PAPPA2: variants seen among roughly 807,000 people sequenced by gnomAD.
PAPPA2 encodes pappalysin 2.
Under a neutral mutation model 176.4 loss-of-function variants are expected in PAPPA2, and 86 were observed. The observed-to-expected ratio is 0.49, with a 90% CI of 0.41 to 0.58. The LOEUF is 0.58. Among genes scored for constraint, PAPPA2 ranks in the 20% least tolerant of loss-of-function variants. The pLI, the probability that PAPPA2 is intolerant of heterozygous loss-of-function variation, is 0.00. For missense variants in PAPPA2, 2,073 were observed against 2,256.9 expected (o/e 0.92, Z 1.65); for synonymous variants, 809 against 852.2 (o/e 0.95, Z 0.88).
intron 17 of PAPPA2, among the ~76,000 whole-genome samples, chr1:176,776,096 C>G (rs533570177): frequency 2.0e-5 from 3 of 152,126 alleles, no homozygotes; most frequent in African/African-American, 7.2e-5. Flanking sequence ...ATTAATCACT[C>G]CTCTGCTGTT....
intron 4 of PAPPA2, 58 bp from the exon 5 acceptor site, chr1:176,690,079 A>T (rs1660035899): frequency 7.1e-7 from 1 of 1,402,022 alleles, no homozygotes; most frequent in South Asian, 1.4e-5. Flanking sequence ...AACATAATTA[A>T]GGATTGGAGA....
intron 1 of PAPPA2, among the ~76,000 whole-genome samples, chr1:176,478,688 CAG>C (rs1304449913): frequency 6.6e-6 from 1 of 152,190 alleles, no homozygotes. Flanking sequence ...TTAGGCAAAA[CAG>C]AGAATGGCCA....
At chr1:176,817,370 AAG>A (rs1351785375) in intron 21 of PAPPA2, among the ~76,000 whole-genome samples, 1 of 152,112 alleles carries the variant, frequency 6.6e-6, no homozygotes, top group African/African-American at 2.4e-5. Context: ...CCAGATTAGG[AAG>A]AGTGTTGAAT....
intron 14 of PAPPA2, among the ~76,000 whole-genome samples, chr1:176,741,992 C>T (rs1662700295): frequency 6.6e-6 from 1 of 152,162 alleles, no homozygotes; most frequent in African/African-American, 2.4e-5. Flanking sequence ...GCCTTCTAAT[C>T]TTTCTTCACT....
chr1:176,714,458 G>A (rs1356814672), intron 12 of PAPPA2, among the ~76,000 whole-genome samples: 3 of 150,928 alleles, frequency 2.0e-5, no homozygotes, highest in Admixed American at 2.0e-4. Flanking sequence ...AAATGGAAGG[G>A]CCCCTATCAG....
intron 1 of PAPPA2, among the ~76,000 whole-genome samples, chr1:176,466,081 C>A (rs928876516): frequency 6.6e-6 from 1 of 152,058 alleles, no homozygotes; most frequent in East Asian, 1.9e-4. Context: ...ATAATACATG[C>A]GTGTTTAACA....
chr1:176,748,254 A>G (rs1663014449), intron 14 of PAPPA2, among the ~76,000 whole-genome samples: 1 of 152,224 alleles, frequency 6.6e-6, no homozygotes, highest in African/African-American at 2.4e-5. Flanking sequence ...AAAGAGCCAC[A>G]TGCTATAATG....
chr1:176,738,980 G>T (rs995306552), intron 12 of PAPPA2, among the ~76,000 whole-genome samples: 5 of 152,044 alleles, frequency 3.3e-5, no homozygotes, highest in African/African-American at 1.2e-4. Context: ...CCCATTGTTG[G>T]CTTATTTTCC....
intron 1 of PAPPA2, among the ~76,000 whole-genome samples, chr1:176,483,805 AAG>A (rs1184028586): frequency 1.3e-5 from 2 of 151,986 alleles, no homozygotes; most frequent in Non-Finnish European, 2.9e-5. Flanking sequence ...TGCCTCAAGA[AAG>A]GGAAGATTGC....
chr1:176,634,819 T>C (rs1656575102), intron 3 of PAPPA2, among the ~76,000 whole-genome samples: 2 of 140,698 alleles, frequency 1.4e-5, no homozygotes, highest in African/African-American at 5.5e-5. Context: ...GATAGATAGA[T>C]AGATAGATAG....
At chr1:176,710,658 G>C (rs1292273389) in intron 11 of PAPPA2, among the ~76,000 whole-genome samples, 3 of 152,042 alleles carry the variant, frequency 2.0e-5, no homozygotes, top group African/African-American at 7.2e-5. Flanking sequence ...GAGGATTAAA[G>C]GCTCACAACT....
intron 14 of PAPPA2, among the ~76,000 whole-genome samples, chr1:176,754,302 C>G (rs999945540): frequency 1.3e-5 from 2 of 152,146 alleles, no homozygotes; most frequent in Admixed American, 1.3e-4. Context: ...CAACTCCTCC[C>G]TAGTGACTTA....
At chr1:176,575,257 T>C (rs1341128968) in intron 2 of PAPPA2, among the ~76,000 whole-genome samples, 1 of 152,214 alleles carries the variant, frequency 6.6e-6, no homozygotes, top group African/African-American at 2.4e-5. Context: ...GCAAAATTCC[T>C]TTAATTAACC....
rs150346076 is a variant in PAPPA2 at position 176,562,711 on chromosome 1, T to A, written c.919+5470T>A. Among the ~76,000 whole-genome samples, 57 of 152,320 alleles carry A rather than the reference T, an allele frequency of 3.7e-4. No individual in the cohort carries two copies. The East Asian group carries it at 9.9e-3, about 26-fold the overall frequency. On this transcript the variant is annotated intron_variant, in intron 2 of 22. Transcript: ENST00000367662. ...TTTCTGGGGATGGATTTACCCACAG[T>A]GATGAGTACGAGTTGCACGAGTTGA...
At chr1:176,534,383 A>T (rs1395665964) in intron 1 of PAPPA2, among the ~76,000 whole-genome samples, 1 of 152,138 alleles carries the variant, frequency 6.6e-6, no homozygotes, top group Non-Finnish European at 1.5e-5. Flanking sequence ...CTCTCTCAGT[A>T]TCCATGATCC....
At chr1:176,644,180 G>A (rs1657260077) in intron 3 of PAPPA2, among the ~76,000 whole-genome samples, 1 of 151,834 alleles carries the variant, frequency 6.6e-6, no homozygotes, top group Non-Finnish European at 1.5e-5. Flanking sequence ...TATGGAGTCT[G>A]TGGGCTTACG....
At chr1:176,671,411 C>A (rs1391570135) in intron 4 of PAPPA2, among the ~76,000 whole-genome samples, 1 of 152,144 alleles carries the variant, frequency 6.6e-6, no homozygotes, top group African/African-American at 2.4e-5. Flanking sequence ...TCTTGCAGAG[C>A]CCCAAGTGGG....
At chr1:176,718,220 A>G (rs1349578332) in intron 12 of PAPPA2, among the ~76,000 whole-genome samples, 1 of 152,072 alleles carries the variant, frequency 6.6e-6, no homozygotes, top group Non-Finnish European at 1.5e-5. Context: ...TATCACATTA[A>G]GTTTTTCATA....
chr1:176,764,596 C>CTTTTTTT (rs1214683318), intron 14 of PAPPA2, among the ~76,000 whole-genome samples: 1 of 136,134 alleles, frequency 7.3e-6, no homozygotes, highest in African/African-American at 2.7e-5. Context: ...CCAGTGTATT[C>CTTTTTTT]TTTTTTTTTT....
Sources: gnomAD v4.1 joint callset for allele counts (sites outside exome capture counted in the v4.1 genomes callset) on GRCh38, gnomAD v4.1.1 for gene constraint, MANE v1.5 for transcripts, NCBI Gene and HGNC (gene_info 2026-07-23, HGNC 2026-07-21) for gene names.